The following TENM3 variants were observed in gnomAD, a reference collection of about 807,000 sequenced individuals.
TENM3 encodes the protein teneurin transmembrane protein 3.
TENM3 carries 63 observed loss-of-function variants against 255.1 expected under a neutral mutation model. The observed-to-expected ratio is 0.25, with a 90% CI of 0.20 to 0.30. The LOEUF is 0.30. Ranked by LOEUF, TENM3 falls within the 10% of genes least tolerant of loss-of-function variation. TENM3 has a pLI of 1.00. For missense variants in TENM3, 2,929 were observed against 3,461.1 expected (o/e 0.85, Z 3.86); for synonymous variants, 1,306 against 1,322.3 (o/e 0.99, Z 0.27).
At chr4:182,659,855 A>C (rs1360410613) in intron 6 of TENM3, among the ~76,000 whole-genome samples, 5 of 152,118 alleles carry the variant, frequency 3.3e-5, no homozygotes, top group Non-Finnish European at 4.4e-5. Flanking sequence ...TGTACATCAC[A>C]CCATACTGCA....
At chr4:181,871,449 T>C in the TENM3 span, among the ~76,000 whole-genome samples, 234 of 152,182 alleles carry the variant, frequency 1.5e-3, no homozygotes, top group African/African-American at 5.3e-3. Flanking sequence ...AGCTCTCTAG[T>C]AGATTTTTTA....
intron 1 of TENM3, among the ~76,000 whole-genome samples, chr4:182,185,053 A>G (rs1342912311): frequency 6.6e-6 from 1 of 151,232 alleles, no homozygotes; most frequent in African/African-American, 2.4e-5. Context: ...ACTGCACTCC[A>G]GCCTGGACAA....
chr4:182,615,335 C>G (rs1749400936), intron 4 of TENM3, among the ~76,000 whole-genome samples: 3 of 151,840 alleles, frequency 2.0e-5, no homozygotes, highest in South Asian at 4.2e-4. Flanking sequence ...GAGTGGAGAA[C>G]TAGTACTCTC....
chr4:181,634,377 TTTAA>T, the TENM3 span, among the ~76,000 whole-genome samples: 2 of 126,902 alleles, frequency 1.6e-5, no homozygotes, highest in African/African-American at 5.8e-5. Flanking sequence ...GTCTTACTTT[TTTAA>T]TTCTTTTTTT....
chr4:181,647,018 G>A, the TENM3 span, among the ~76,000 whole-genome samples: 2 of 152,106 alleles, frequency 1.3e-5, no homozygotes, highest in Non-Finnish European at 2.9e-5. Context: ...CATGAGTAAA[G>A]CGCCCCAAGA....
At chr4:181,593,037 GCCTT>G in the TENM3 span, among the ~76,000 whole-genome samples, 2 of 152,110 alleles carry the variant, frequency 1.3e-5, no homozygotes, top group Non-Finnish European at 2.9e-5. Flanking sequence ...GTTTGCTTCT[GCCTT>G]CCTTTGTAGG....
chr4:181,876,115 T>C, the TENM3 span, among the ~76,000 whole-genome samples: 1 of 152,238 alleles, frequency 6.6e-6, no homozygotes. Context: ...CATTATTTAT[T>C]TTCTTTGACT....
At chr4:182,300,553 A>G (rs1022455522) in intron 1 of TENM3, among the ~76,000 whole-genome samples, 3 of 152,162 alleles carry the variant, frequency 2.0e-5, no homozygotes, top group Admixed American at 6.5e-5. Flanking sequence ...GCTTGTGCCT[A>G]CCTTTGGCCT....
the TENM3 span, among the ~76,000 whole-genome samples, chr4:181,982,401 C>G: frequency 1.3e-5 from 2 of 152,054 alleles, no homozygotes; most frequent in Non-Finnish European, 2.9e-5. Context: ...GGCGGATGTA[C>G]AGTATTGAAA....
chr4:181,566,360 C>A, the TENM3 span, among the ~76,000 whole-genome samples: 1 of 152,198 alleles, frequency 6.6e-6, no homozygotes, highest in Non-Finnish European at 1.5e-5. Context: ...TAGACCTTTG[C>A]CAATGAACTC....
chr4:181,557,312 T>G, the TENM3 span, among the ~76,000 whole-genome samples: 1 of 152,186 alleles, frequency 6.6e-6, no homozygotes, highest in Non-Finnish European at 1.5e-5. Context: ...TTTTAACCCT[T>G]GCATAGCCAC....
At chr4:182,118,812 C>T in the TENM3 span, among the ~76,000 whole-genome samples, 5 of 152,192 alleles carry the variant, frequency 3.3e-5, no homozygotes, top group East Asian at 3.9e-4. Context: ...CCCACTTGGC[C>T]GTGGTATATA....
intron 3 of TENM3, among the ~76,000 whole-genome samples, chr4:182,573,024 A>G (rs1022764912): frequency 1.3e-5 from 2 of 152,200 alleles, no homozygotes; most frequent in Non-Finnish European, 2.9e-5. Context: ...TTGTTTATTG[A>G]TCATCTACCA....
At chr4:181,905,075 AG>A in the TENM3 span, among the ~76,000 whole-genome samples, 1 of 152,134 alleles carries the variant, frequency 6.6e-6, no homozygotes, top group African/African-American at 2.4e-5. Flanking sequence ...AAAGTCAAAA[AG>A]GTTTCTTTTG....
chr4:181,472,089 C>A, the TENM3 span, among the ~76,000 whole-genome samples: 1 of 152,116 alleles, frequency 6.6e-6, no homozygotes, highest in African/African-American at 2.4e-5. Context: ...TACCTGCTTC[C>A]ACTATTTTCT....
chr4:182,179,631 C>A (rs1025099830), intron 1 of TENM3, among the ~76,000 whole-genome samples: 1 of 152,058 alleles, frequency 6.6e-6, no homozygotes, highest in African/African-American at 2.4e-5. Flanking sequence ...TACTGAAAAC[C>A]TCAAAGTAAT....
At chr4:181,841,058 T>A in the TENM3 span, among the ~76,000 whole-genome samples, 1 of 152,106 alleles carries the variant, frequency 6.6e-6, no homozygotes, top group South Asian at 2.1e-4. Flanking sequence ...AGGGTTCTCC[T>A]CTGAATTTGG....
chr4:182,254,307 C>T (rs1758230995), intron 1 of TENM3, among the ~76,000 whole-genome samples: 1 of 149,622 alleles, frequency 6.7e-6, no homozygotes, highest in Non-Finnish European at 1.5e-5. Flanking sequence ...CATTCTCTCC[C>T]TTTTTTGAGG....
chr4:182,676,159 T>A (rs1296619098), intron 7 of TENM3, among the ~76,000 whole-genome samples: 1 of 152,238 alleles, frequency 6.6e-6, no homozygotes, highest in African/African-American at 2.4e-5. Context: ...CCATTCAGAA[T>A]AGTTGCTTGA....
Sources: allele counts gnomAD v4.1 joint callset (sites outside exome capture counted in the v4.1 genomes callset), GRCh38; gene constraint gnomAD v4.1.1; transcripts MANE v1.5; gene names NCBI Gene and HGNC (gene_info 2026-07-23, HGNC 2026-07-21).